Variants in ABCC1 observed in about 807,000 individuals in gnomAD.
ABCC1 encodes ATP binding cassette subfamily C member 1 (ABCC1 blood group).
ABCC1 carries 83 observed loss-of-function variants against 172.9 expected under a neutral mutation model. The ratio of observed to expected loss-of-function variants is 0.48; its 90% CI spans 0.40 to 0.58. ABCC1 has a LOEUF of 0.58. Ranked by LOEUF, ABCC1 falls within the 20% of genes least tolerant of loss-of-function variation. ABCC1 has a pLI of 0.00. For missense variants in ABCC1, 1,817 were observed against 2,002.7 expected (o/e 0.91, Z 1.77); for synonymous variants, 937 against 825.2 (o/e 1.14, Z -2.32).
At chr16:16,107,172 T>A (rs945435187) in intron 21 of ABCC1, among the ~76,000 whole-genome samples, 1 of 152,184 alleles carries the variant, frequency 6.6e-6, no homozygotes, top group African/African-American at 2.4e-5. Flanking sequence ...TCGCTAGAGG[T>A]GAGCTGGATG....
intron 1 of ABCC1, among the ~76,000 whole-genome samples, chr16:15,998,478 T>C (rs547011833): frequency 6.6e-6 from 1 of 152,244 alleles, no homozygotes; most frequent in East Asian, 1.9e-4. Flanking sequence ...GTAGGGGCTG[T>C]GATGGAGGTG....
chr16:16,015,215 C>T (rs914848920), intron 4 of ABCC1, among the ~76,000 whole-genome samples: 1 of 151,118 alleles, frequency 6.6e-6, no homozygotes, highest in Admixed American at 6.6e-5. Flanking sequence ...TCTAGGCTCA[C>T]TGTAACTTCT....
At chr16:16,037,616 G>T (rs999147159) in intron 7 of ABCC1, among the ~76,000 whole-genome samples, 3 of 152,186 alleles carry the variant, frequency 2.0e-5, no homozygotes, top group African/African-American at 7.2e-5. Context: ...GGCTGTTTTT[G>T]TTCCTGTTGC....
chr16:16,101,854 TC>T (rs1246048409), intron 19 of ABCC1, among the ~76,000 whole-genome samples: 1 of 152,226 alleles, frequency 6.6e-6, no homozygotes. Flanking sequence ...GGTGGATTCT[TC>T]CTGGGATCAG....
intron 26 of ABCC1, among the ~76,000 whole-genome samples, chr16:16,126,455 C>T (rs981670304): frequency 1.3e-5 from 2 of 152,188 alleles, no homozygotes; most frequent in Non-Finnish European, 2.9e-5. Context: ...ACAATCTCGG[C>T]TCACTGCAAC....
At chr16:15,971,444 G>T (rs769457758) in intron 1 of ABCC1, among the ~76,000 whole-genome samples, 1 of 152,162 alleles carries the variant, frequency 6.6e-6, no homozygotes, top group Non-Finnish European at 1.5e-5. Flanking sequence ...TCTAAGAGCC[G>T]GGGCTTTACA....
At chr16:15,977,400 T>G (rs975170933) in intron 1 of ABCC1, among the ~76,000 whole-genome samples, 1 of 152,168 alleles carries the variant, frequency 6.6e-6, no homozygotes, top group Non-Finnish European at 1.5e-5. Flanking sequence ...CCATTTATTA[T>G]TATTTATTTT....
At chr16:15,971,187 T>C (rs1263110103) in intron 1 of ABCC1, among the ~76,000 whole-genome samples, 1 of 152,172 alleles carries the variant, frequency 6.6e-6, no homozygotes, top group Non-Finnish European at 1.5e-5. Flanking sequence ...CTGATTTGCA[T>C]AGGCCTCAGG....
rs57105111 is a variant in ABCC1 at position 15,952,716 on chromosome 16, T to TAA, written c.48+2944_48+2945dup. On this transcript the variant is annotated intron_variant, in intron 1 of 30. Coordinates refer to ENST00000399410, the MANE Select transcript of ABCC1 (RefSeq NM_004996.4). The stretch of plus-strand genomic sequence containing the variant: ...GGCCTGGGACTTTTTGTGAGTTCAT[T>TAA]AAAAAAAAAAAAAAAAAAAAAAAAA... 2.2e-3 allele frequency among the ~76,000 whole-genome samples: 90 copies of TAA among 40,286 alleles called. 2 individuals carry two copies. Among genetic ancestry groups the TAA allele is most frequent in the African/African-American group, 0.011 (82 of 7,726 alleles). The allele number at this position is 40,286 out of a possible 152,430, so 26.4% of individuals were successfully genotyped here.
At chr16:16,071,592 CA>C in intron 13 of ABCC1, 49 bp from the exon 14 acceptor site, 3 of 1,568,618 alleles carry the variant, frequency 1.9e-6, no homozygotes, top group Non-Finnish European at 2.6e-6. Context: ...GTTGGTTTTG[CA>C]AAAATGCTTT....
rs773203154 is a variant in ABCC1, at chr16:16,086,855, G to A, written c.2324G>A (p.Arg775His). Residue 775 changes from arginine to histidine, a missense_variant, in exon 18 of 31, where the codon CGC (arginine) becomes CAC (histidine). This residue lies in a region of ABCC1 where 1,412 missense variants were observed against 1,600.3 expected (regional missense o/e 0.88). Coordinates refer to ENST00000399410, the MANE Select transcript of ABCC1 (RefSeq NM_004996.4). ...GVNLSGGQKQ[R>H]VSLARAVYSN... ...AACCTGTCTGGGGGCCAGAAGCAGC[G>A]CGTGAGCCTGGCCCGGGCCGTGTAC... 47 of 1,613,990 alleles carry A rather than the reference G, an allele frequency of 2.9e-5. No homozygotes were observed. Among genetic ancestry groups the A allele is most frequent in the Non-Finnish European group, 3.7e-5 (44 of 1,180,044 alleles).
At chr16:15,960,927 G>C (rs28393114) in intron 1 of ABCC1, among the ~76,000 whole-genome samples, 2,755 of 151,906 alleles carry the variant, frequency 0.018, 63 homozygotes, top group South Asian at 0.056. Context: ...AGCTCAGCAA[G>C]GAAGTAGAAC....
At chr16:16,017,701 G>A (rs1288489898) in intron 5 of ABCC1, among the ~76,000 whole-genome samples, 4 of 152,094 alleles carry the variant, frequency 2.6e-5, no homozygotes, top group Non-Finnish European at 5.9e-5. Flanking sequence ...GAGTCACCAC[G>A]CCTCGCCTAT....
intron 14 of ABCC1, among the ~76,000 whole-genome samples, chr16:16,074,199 AC>A (rs1175817286): frequency 2.6e-5 from 4 of 152,158 alleles, no homozygotes. Flanking sequence ...CCCATTAGAT[AC>A]AGTAGTATCC....
chr16:16,044,389 C>A, intron 7 of ABCC1, 61 bp from the exon 8 acceptor site: 1 of 1,439,742 alleles, frequency 6.9e-7, no homozygotes, highest in East Asian at 2.3e-5. Context: ...GGCCATGTCC[C>A]TGTGGTAGGG....
At chr16:16,101,555 A>C (rs549330082) in intron 19 of ABCC1, among the ~76,000 whole-genome samples, 2 of 152,106 alleles carry the variant, frequency 1.3e-5, no homozygotes, top group Non-Finnish European at 2.9e-5. Context: ...CACCCTGACC[A>C]TGCTGCTGGC....
chr16:16,138,640 C>A, intron 30 of ABCC1, 82 bp downstream of exon 30: 3 of 1,193,338 alleles, frequency 2.5e-6, no homozygotes, highest in Non-Finnish European at 3.4e-6. Context: ...TTAATTCATT[C>A]AACACTGTCC....
At chr16:16,103,608 C>T (rs2051886014) in intron 20 of ABCC1, among the ~76,000 whole-genome samples, 1 of 152,032 alleles carries the variant, frequency 6.6e-6, no homozygotes. Flanking sequence ...AAAACAGCAG[C>T]AGCAGCAGAA....
chr16:16,056,094 G>A lies in ABCC1; in HGVS notation c.1476G>A (p.Val492=), dbSNP rs2049640008. ...VMAMKTKTYQ[V]AHMKSKDNRI... is the part of the protein sequence containing the mutation. Reference sequence around the variant, plus strand: ...GTTGACTGCCCGTCTCTTCCAAGGTGGCCCACATGAAGAGCAAAGACAATC... The same window carrying A: ...GTTGACTGCCCGTCTCTTCCAAGGTAGCCCACATGAAGAGCAAAGACAATC... Residue 492 remains valine, a splice_region_variant and synonymous_variant, in exon 12 of 31, where the codon GTG becomes GTA. Transcript: ENST00000399410. 4 of 1,614,060 alleles carry A rather than the reference G, an allele frequency of 2.5e-6. No individual in the cohort carries two copies. In the South Asian group the frequency reaches 4.4e-5, roughly 18 times the overall value.
Sources: gnomAD v4.1 joint callset for allele counts (sites outside exome capture counted in the v4.1 genomes callset) on GRCh38, gnomAD v4.1.1 for gene constraint, gnomAD v4.1.1 regional missense constraint, MANE v1.5 for transcripts, NCBI Gene and HGNC (gene_info 2026-07-23, HGNC 2026-07-21) for gene names.